The following NFYA variants were observed in gnomAD, a reference collection of about 807,000 sequenced individuals.
NFYA encodes CAAT-box DNA binding protein subunit A.
A neutral mutation model predicts 52.8 loss-of-function variants in NFYA; 28 were observed. The ratio of observed to expected loss-of-function variants is 0.53; its 90% CI spans 0.39 to 0.73. The LOEUF (loss-of-function observed/expected upper bound fraction) is 0.73, where lower values mean the gene tolerates loss of function less well. Among genes scored for constraint, NFYA ranks in the 30% least tolerant of loss-of-function variants. NFYA has a pLI of 0.00. For missense variants in NFYA, 234 were observed against 427.0 expected (o/e 0.55, Z 3.98); for synonymous variants, 150 against 150.7 (o/e 1.00, Z 0.03).
At chr6:41,086,272 G>T (rs184423517) in intron 4 of NFYA, among the ~76,000 whole-genome samples, 117 of 152,086 alleles carry the variant, frequency 7.7e-4, no homozygotes, top group African/African-American at 2.8e-3. Flanking sequence ...TTTAATTGTC[G>T]GTTTGCTCAT....
intron 2 of NFYA, 73 bp downstream of exon 2, chr6:41,079,237 T>G: frequency 7.2e-7 from 1 of 1,396,212 alleles, no homozygotes; most frequent in Non-Finnish European, 1.0e-6. Context: ...GGTTGGTCTA[T>G]TGCCCTGGGG....
chr6:41,083,153 ACT>A (rs1336878669), intron 3 of NFYA, among the ~76,000 whole-genome samples: 2 of 152,188 alleles, frequency 1.3e-5, no homozygotes, highest in African/African-American at 4.8e-5. Context: ...CTTCTAAAGC[ACT>A]TTTAAAGTGC....
intron 3 of NFYA, among the ~76,000 whole-genome samples, chr6:41,081,637 A>G (rs1163350449): frequency 6.6e-6 from 1 of 152,232 alleles, no homozygotes; most frequent in Non-Finnish European, 1.5e-5. Context: ...CTTTATTTTT[A>G]TTCAAGGGGC....
At position 41,091,609 on chromosome 6, in the gene NFYA, C is replaced by T; in HGVS notation, c.629C>T (p.Thr210Ile). The change falls in exon 7 of 10, where the codon ACC becomes ATC. Residue 210 changes from threonine to isoleucine, a missense_variant. Thr to Ile is a moderately conservative substitution (Grantham distance 89). Around this residue, in one of 3 missense-constraint regions of NFYA, gnomAD observed 81 missense variants for 210.5 expected, o/e 0.38. Coordinates refer to ENST00000341376, the MANE Select transcript of NFYA (RefSeq NM_002505.5). ...GAQIVQTGAN[T>I]NTTSSGQGTV... ...CAGATTGTTCAAACAGGAGCCAATACCAACACAACCAGCAGTGGGCAAGGG... is the reference window on the plus strand; with the variant it reads ...CAGATTGTTCAAACAGGAGCCAATATCAACACAACCAGCAGTGGGCAAGGG... The T allele has an allele frequency of 6.2e-7, 1 of 1,614,190 alleles. No individual in the cohort carries two copies. Among genetic ancestry groups the T allele is most frequent in the Non-Finnish European group, 8.5e-7 (1 of 1,180,022 alleles).
At chr6:41,090,141 T>A in intron 5 of NFYA, 63 bp from the exon 6 acceptor site, 1 of 1,121,288 alleles carries the variant, frequency 8.9e-7, no homozygotes, top group Admixed American at 1.9e-5. Context: ...TTTTAAGGAC[T>A]ACATCGTTCT....
In NFYA at chr6:41,094,494, G is replaced by A; in HGVS notation, c.987G>A (p.Met329Ile). 1 of 1,612,302 alleles carries A rather than the reference G, an allele frequency of 6.2e-7. No homozygotes were observed. ...CAAAGGAAAAGGATAGTCCCCATAT[G>A]CAGGTAGGAAGACATATACATTTTA... is the stretch of plus-strand genomic sequence containing the variant. Reference protein sequence around the residue: ...FSPKEKDSPHMQDPNQADEEA... With the variant: ...FSPKEKDSPHIQDPNQADEEA... Residue 329 changes from methionine (M) to isoleucine (I), a missense_variant, in exon 9 of 10, where the codon ATG (methionine) becomes ATA (isoleucine). Physicochemically the swap from Met to Ile is conservative, Grantham distance 10 (BLOSUM62 1). This residue lies in a region of NFYA where 35 missense variants were observed against 34.2 expected (regional missense o/e 1.02). Coordinates refer to ENST00000341376, the MANE Select transcript of NFYA (RefSeq NM_002505.5).
rs575804183 is a variant in NFYA, at chr6:41,101,622, ATACT to A, written c.*4217_*4220del. 2.3e-4 allele frequency among the ~76,000 whole-genome samples: 35 copies of A among 152,326 alleles called. No homozygotes were observed. Among genetic ancestry groups the A allele is most frequent in the East Asian group, 1.9e-3 (10 of 5,180 alleles). On this transcript the variant is annotated 3_prime_UTR_variant, in exon 10 of 10. Coordinates refer to ENST00000341376, the MANE Select transcript of NFYA (RefSeq NM_002505.5). ...ACTCCGCGAGTCGTTCATTTAACAA[ATACT>A]TACTCTGTGTCAGGGATATGAAGAT...
At chr6:41,090,807 A>C (rs1764180498) in intron 6 of NFYA, among the ~76,000 whole-genome samples, 1 of 152,240 alleles carries the variant, frequency 6.6e-6, no homozygotes. Flanking sequence ...TTCTAGGAAT[A>C]GATAACATAA....
At chr6:41,090,896 T>C (rs980675273) in intron 6 of NFYA, among the ~76,000 whole-genome samples, 1 of 152,222 alleles carries the variant, frequency 6.6e-6, no homozygotes, top group African/African-American at 2.4e-5. Flanking sequence ...AGTCAAATAG[T>C]TAAATCAAAA....
intron 1 of NFYA, among the ~76,000 whole-genome samples, chr6:41,073,297 G>A (rs772124139): frequency 3.3e-5 from 5 of 151,630 alleles, no homozygotes; most frequent in South Asian, 2.1e-4. Context: ...CGCCCCGCGC[G>A]GGGATGGCGC....
At chr6:41,097,056 T>G (rs1181153300) in intron 9 of NFYA, among the ~76,000 whole-genome samples, 1 of 152,210 alleles carries the variant, frequency 6.6e-6, no homozygotes, top group Non-Finnish European at 1.5e-5. Context: ...CTGAATACTC[T>G]TAACCCTTAA....
rs1276606187 is a variant in NFYA at position 41,078,972 on chromosome 6, C to G, written c.-61-57C>G. The G allele has an allele frequency of 5.4e-6, 4 of 742,958 alleles. No homozygotes were observed. In the Admixed American group the frequency reaches 9.5e-5, roughly 18 times the overall value. The allele number at this position is 742,958 out of a possible 1,614,324, so 46.0% of individuals were successfully genotyped here. The stretch of plus-strand genomic sequence containing the variant: ...GTGATAAATTATCCAGGTTAATTGT[C>G]TGGTAAGGCCTTTATTGACAATCTC... On this transcript the variant is annotated intron_variant, in intron 1 of 9. Coordinates refer to ENST00000341376, the MANE Select transcript of NFYA (RefSeq NM_002505.5).
intron 1 of NFYA, among the ~76,000 whole-genome samples, chr6:41,077,462 T>G (rs974278909): frequency 1.3e-5 from 2 of 152,214 alleles, no homozygotes; most frequent in Non-Finnish European, 2.9e-5. Context: ...TACTGATGTC[T>G]TTTGGAGATT....
At chr6:41,078,243 A>G (rs1763793679) in intron 1 of NFYA, among the ~76,000 whole-genome samples, 1 of 152,200 alleles carries the variant, frequency 6.6e-6, no homozygotes, top group African/African-American at 2.4e-5. Flanking sequence ...TTCTTCTTTC[A>G]CACTGTATTG....
rs1306418729 is a variant in NFYA at position 41,100,498 on chromosome 6, A to G, written c.*3088A>G. ...ATGCCATTATCAACACACAAGAGACAAACAGCCCGAGGAAGCACTCAATGA... is the reference window on the plus strand; with the variant it reads ...ATGCCATTATCAACACACAAGAGACGAACAGCCCGAGGAAGCACTCAATGA... On this transcript the variant is annotated 3_prime_UTR_variant, in exon 10 of 10. Coordinates refer to ENST00000341376, the MANE Select transcript of NFYA (RefSeq NM_002505.5). 6.6e-6 allele frequency among the ~76,000 whole-genome samples: 1 copy of G among 151,114 alleles called. No homozygotes were observed. The highest frequency in any genetic ancestry group is 1.5e-5 in the Non-Finnish European group (1 of 67,518).
Position 41,098,742 on chromosome 6 carries a change from G to A in NFYA, c.*1332G>A, listed in dbSNP as rs1271062715. The A allele has an allele frequency of 3.3e-5, 5 of 152,614 alleles. No homozygotes were observed. Among genetic ancestry groups the A allele is most frequent in the Non-Finnish European group, 7.3e-5 (5 of 68,030 alleles). 9.5% of individuals were successfully genotyped at this position (152,614 alleles called of 1,614,324 possible). A position where few individuals can be genotyped will look rare whatever the true frequency, so the allele number is the denominator to read the frequency against. ...TTCTCCATAGGCCTTGTGCAGAAAGGTTTTCTCATTGCATCCATACTGTGA... is the reference window on the plus strand; with the variant it reads ...TTCTCCATAGGCCTTGTGCAGAAAGATTTTCTCATTGCATCCATACTGTGA... On this transcript the variant is annotated 3_prime_UTR_variant, in exon 10 of 10. Coordinates refer to ENST00000341376, the MANE Select transcript of NFYA (RefSeq NM_002505.5).
At chr6:41,088,233 A>G (rs2113808413) in intron 4 of NFYA, among the ~76,000 whole-genome samples, 1 of 151,974 alleles carries the variant, frequency 6.6e-6, no homozygotes, top group East Asian at 1.9e-4. Context: ...CCTGGTTAAC[A>G]CAGTGAAACC....
At chr6:41,077,077 T>C (rs1460281582) in intron 1 of NFYA, among the ~76,000 whole-genome samples, 1 of 152,262 alleles carries the variant, frequency 6.6e-6, no homozygotes, top group Non-Finnish European at 1.5e-5. Context: ...TTAGTCATTA[T>C]GTGCTTCAAG....
At chr6:41,080,229 G>C (rs1251308783) in intron 2 of NFYA, among the ~76,000 whole-genome samples, 1 of 152,000 alleles carries the variant, frequency 6.6e-6, no homozygotes, top group Non-Finnish European at 1.5e-5. Flanking sequence ...CAGGAAGGTT[G>C]GCTTAAGCCC....
Sources: allele counts gnomAD v4.1 joint callset (sites outside exome capture counted in the v4.1 genomes callset), GRCh38; gene constraint gnomAD v4.1.1; regional missense constraint gnomAD v4.1.1; transcripts MANE v1.5; gene names NCBI Gene and HGNC (gene_info 2026-07-23, HGNC 2026-07-21).